The following PPM1B variants were observed in gnomAD, a reference collection of about 807,000 sequenced individuals.
PPM1B encodes the protein protein phosphatase, Mg2+/Mn2+ dependent 1B.
PPM1B carries 22 observed loss-of-function variants against 43.0 expected under a neutral mutation model. The ratio of observed to expected loss-of-function variants is 0.51; its 90% CI spans 0.37 to 0.73. The LOEUF (loss-of-function observed/expected upper bound fraction) is 0.73. Among genes scored for constraint, PPM1B ranks in the 30% least tolerant of loss-of-function variants. PPM1B has a pLI of 0.00. For missense variants in PPM1B, 632 were observed against 584.2 expected (o/e 1.08, Z -0.84); for synonymous variants, 217 against 197.9 (o/e 1.10, Z -0.81).
intron 5 of PPM1B, among the ~76,000 whole-genome samples, chr2:44,224,257 C>T (rs1406489366): frequency 1.3e-5 from 2 of 152,002 alleles, no homozygotes; most frequent in Non-Finnish European, 2.9e-5. Flanking sequence ...AGATTGAGAC[C>T]ATCCTGGCTA....
intron 5 of PPM1B, among the ~76,000 whole-genome samples, chr2:44,221,449 A>T (rs562420381): frequency 2.0e-5 from 3 of 152,200 alleles, no homozygotes; most frequent in African/African-American, 7.2e-5. Flanking sequence ...GCTAGCCGCA[A>T]AGGTGCTCCA....
At chr2:44,228,290 T>G (rs1670313929) in intron 5 of PPM1B, among the ~76,000 whole-genome samples, 1 of 147,752 alleles carries the variant, frequency 6.8e-6, no homozygotes, top group African/African-American at 2.5e-5. Flanking sequence ...TCGACTTAGC[T>G]CAACCTCTCG....
chr2:44,214,289 T>A (rs769695901), intron 3 of PPM1B, among the ~76,000 whole-genome samples: 2 of 152,020 alleles, frequency 1.3e-5, no homozygotes, highest in Admixed American at 6.6e-5. Flanking sequence ...CTGTATTAGC[T>A]CAATCTCGTG....
Position 44,190,294 on chromosome 2 carries a change from A to G in PPM1B, c.-14-10892A>G, listed in dbSNP as rs576841448. Among the ~76,000 whole-genome samples, 61 of 151,618 alleles carry G rather than the reference A, an allele frequency of 4.0e-4. 1 individual carries two copies. Among genetic ancestry groups the G allele is most frequent in the African/African-American group, 1.4e-3 (56 of 41,272 alleles). ...CTCAGCCTCTCGAGTAGCTGGGACT[A>G]TAGGTGCCCGCCACCACATCCAGCT... On this transcript the variant is annotated intron_variant, in intron 1 of 5. Coordinates refer to ENST00000282412, the MANE Select transcript of PPM1B (RefSeq NM_002706.6).
intron 5 of PPM1B, among the ~76,000 whole-genome samples, chr2:44,224,477 A>G (rs1434398933): frequency 6.8e-6 from 1 of 147,224 alleles, no homozygotes; most frequent in Non-Finnish European, 1.5e-5. Context: ...AAAAAAAAAG[A>G]ATTTTGGTTA....
intron 1 of PPM1B, among the ~76,000 whole-genome samples, chr2:44,183,434 A>G (rs1231078072): frequency 6.6e-6 from 1 of 152,360 alleles, no homozygotes; most frequent in South Asian, 2.1e-4. Context: ...AATAATAGGC[A>G]TTTAACTGGA....
chr2:44,189,490 C>T (rs576328466), intron 1 of PPM1B, among the ~76,000 whole-genome samples: 6 of 152,090 alleles, frequency 3.9e-5, no homozygotes, highest in Admixed American at 2.0e-4. Context: ...TATTGATTTT[C>T]GAGAGCCTCT....
At chr2:44,238,965 A>G (rs909922758), downstream of PPM1B, among the ~76,000 whole-genome samples, 1 of 152,026 alleles carries the variant, frequency 6.6e-6, no homozygotes, top group African/African-American at 2.4e-5. Context: ...TCCTAACTGA[A>G]AAAAGGAGGG....
intron 1 of PPM1B, among the ~76,000 whole-genome samples, chr2:44,189,718 G>A (rs993194972): frequency 2.0e-5 from 3 of 152,134 alleles, no homozygotes; most frequent in Non-Finnish European, 2.9e-5. Context: ...ACCTGCCTTG[G>A]CCTCCCAAAG....
rs192694474 is a variant in PPM1B, at chr2:44,177,926, T to C, written c.-15+8652T>C. ...TGATTAGAACAGTTCTTTTTTTTTT[T>C]TTTTTTTTAATAAGACAGTCCGGCT... On this transcript the variant is annotated intron_variant, in intron 1 of 5. Transcript: ENST00000282412. 4.7e-3 allele frequency among the ~76,000 whole-genome samples: 713 copies of C among 150,710 alleles called. 8 individuals carry two copies. Among genetic ancestry groups the C allele is most frequent in the African/African-American group, 0.017 (682 of 41,052 alleles).
intron 1 of PPM1B, among the ~76,000 whole-genome samples, chr2:44,183,559 C>T (rs1667983120): frequency 6.6e-6 from 1 of 152,180 alleles, no homozygotes; most frequent in South Asian, 2.1e-4. Context: ...CCTGCCTCCT[C>T]ATCACCACCC....
At chr2:44,241,795 A>C (rs1670750036) in intron 5 of PPM1B, among the ~76,000 whole-genome samples, 1 of 151,852 alleles carries the variant, frequency 6.6e-6, no homozygotes, top group African/African-American at 2.4e-5. Context: ...AAATAATAGC[A>C]TATGTAAGAT....
intron 1 of PPM1B, among the ~76,000 whole-genome samples, chr2:44,187,706 T>G (rs1281246774): frequency 6.6e-6 from 1 of 152,234 alleles, no homozygotes; most frequent in Non-Finnish European, 1.5e-5. Context: ...TTCTGGAATA[T>G]TTGGTCCAGC....
chr2:44,184,889 TCA>T (rs1261107601), intron 1 of PPM1B, among the ~76,000 whole-genome samples: 3 of 151,562 alleles, frequency 2.0e-5, no homozygotes, highest in African/African-American at 7.3e-5. Context: ...TATTTCTATA[TCA>T]CTTTATAGTT....
downstream of PPM1B, among the ~76,000 whole-genome samples, chr2:44,239,193 A>G (rs1254387790): frequency 6.6e-6 from 1 of 151,702 alleles, no homozygotes; most frequent in Admixed American, 6.6e-5. Flanking sequence ...AAAAAAAAAA[A>G]AAAAAAAAAT....
chr2:44,193,575 C>CTTTTTTT (rs575288322), intron 1 of PPM1B, among the ~76,000 whole-genome samples: 1 of 116,714 alleles, frequency 8.6e-6, no homozygotes, highest in Non-Finnish European at 1.7e-5. Flanking sequence ...AATTTTTTTT[C>CTTTTTTT]TTTTTTTTTT....
chr2:44,184,323 C>G (rs1044756523), intron 1 of PPM1B, among the ~76,000 whole-genome samples: 4 of 152,124 alleles, frequency 2.6e-5, no homozygotes, highest in Admixed American at 1.3e-4. Flanking sequence ...GCACATTTTT[C>G]TTTGTTGTCA....
chr2:44,189,376 A>G (rs1265386544), intron 1 of PPM1B, among the ~76,000 whole-genome samples: 1 of 152,168 alleles, frequency 6.6e-6, no homozygotes, highest in Non-Finnish European at 1.5e-5. Flanking sequence ...CTATTTTACT[A>G]CATCTGTGAA....
At chr2:44,226,482 C>T (rs1398396640) in intron 5 of PPM1B, among the ~76,000 whole-genome samples, 1 of 152,112 alleles carries the variant, frequency 6.6e-6, no homozygotes, top group Non-Finnish European at 1.5e-5. Flanking sequence ...TTGAGTCATG[C>T]CATTTAGTCT....
Sources: gnomAD v4.1 joint callset for allele counts (sites outside exome capture counted in the v4.1 genomes callset) on GRCh38, gnomAD v4.1.1 for gene constraint, MANE v1.5 for transcripts, NCBI Gene and HGNC (gene_info 2026-07-23, HGNC 2026-07-21) for gene names.